Variants in CLEC5A observed in about 807,000 individuals in gnomAD.
CLEC5A encodes C-type lectin domain family 5 member A.
Under a neutral mutation model 24.4 loss-of-function variants are expected in CLEC5A, and 15 were observed. That is an observed-to-expected ratio of 0.62 (90% CI 0.41 to 0.95). The LOEUF (loss-of-function observed/expected upper bound fraction) is 0.95, where lower values mean the gene tolerates loss of function less well. Among genes scored for constraint, CLEC5A ranks in the 40% least tolerant of loss-of-function variants. The pLI is 0.00. For synonymous variants in CLEC5A, 71 were observed against 72.6 expected, an observed-to-expected ratio of 0.98 and a Z score of 0.11; for missense variants, 211 against 224.0, an observed-to-expected ratio of 0.94 and a Z score of 0.37.
rs1802412304 is a variant in CLEC5A, at chr7:141,930,162, A to G, written c.509T>C (p.Phe170Ser). The change falls in exon 7 of 7, where the codon TTT (phenylalanine) becomes TCT (serine). Residue 170 changes from phenylalanine to serine, a missense_variant. Physicochemically the swap from Phe to Ser is radical, Grantham distance 155. Transcript: ENST00000546910. Reference protein sequence around the residue: ...NCATIGLTKTFDAASCDISYR... With the variant: ...NCATIGLTKTSDAASCDISYR... Reference sequence around the variant, plus strand: ...GCTGATGTCACATGATGCAGCATCAAATGTCTTTGTTAGGCCAATGGTCGC... The same window carrying G: ...GCTGATGTCACATGATGCAGCATCAGATGTCTTTGTTAGGCCAATGGTCGC... 1 of 1,614,188 alleles carries G rather than the reference A, an allele frequency of 6.2e-7. No individual in the cohort carries two copies. Among genetic ancestry groups the G allele is most frequent in the East Asian group, 2.2e-5 (1 of 44,880 alleles).
At chr7:141,931,572 C>T (rs1802462134) in intron 6 of CLEC5A, 148 bp downstream of exon 6, 1 of 557,180 alleles carries the variant, frequency 1.8e-6, no homozygotes, top group South Asian at 2.5e-5. Flanking sequence ...AAATGTGTCT[C>T]AGGGAATAGA....
In CLEC5A at chr7:141,935,929, A is replaced by C; in HGVS notation, c.230T>G (p.Phe77Cys). Residue 77 changes from phenylalanine to cysteine, a missense_variant, in exon 5 of 7, where the codon TTT (phenylalanine) becomes TGT (cysteine). Transcript: ENST00000546910. Reference protein sequence around the residue: ...YGTVCPKDWEFYQARCFFLST... With the variant: ...YGTVCPKDWECYQARCFFLST... ...TAAGAAAAAACATCTTGCTTGATAA[A>C]ATTCCCAGTCTTTGGGGCAGACTGA... is the stretch of plus-strand genomic sequence containing the variant. 1 of 1,613,774 alleles carries C rather than the reference A, an allele frequency of 6.2e-7. No homozygotes were observed. The highest frequency in any genetic ancestry group is 8.5e-7 in the Non-Finnish European group (1 of 1,179,652).
chr7:141,938,455 A>C (rs568153942), intron 4 of CLEC5A, among the ~76,000 whole-genome samples: 1 of 152,280 alleles, frequency 6.6e-6, no homozygotes, highest in Admixed American at 6.5e-5. Flanking sequence ...AGAAAAAAGA[A>C]TAAGAAACAA....
intron 5 of CLEC5A, 115 bp from the exon 6 acceptor site, chr7:141,931,941 G>T: frequency 1.7e-6 from 1 of 573,756 alleles, no homozygotes; most frequent in Non-Finnish European, 3.1e-6. Flanking sequence ...GAGAACTCTG[G>T]GACCAGCTAT....
chr7:141,946,523 C>A (rs1235498844), intron 1 of CLEC5A, among the ~76,000 whole-genome samples: 1 of 152,170 alleles, frequency 6.6e-6, no homozygotes, highest in Non-Finnish European at 1.5e-5. Context: ...GGCATACTGC[C>A]TCTCCTTCAC....
At chr7:141,946,394 G>T in intron 1 of CLEC5A, 82 bp from the exon 2 acceptor site, 1 of 1,299,120 alleles carries the variant, frequency 7.7e-7, no homozygotes, top group Non-Finnish European at 1.1e-6. Flanking sequence ...CTCTCGCTCA[G>T]AGTACCCAAA....
intron 5 of CLEC5A, among the ~76,000 whole-genome samples, chr7:141,935,314 A>G (rs1158321572): frequency 6.6e-6 from 1 of 152,148 alleles, no homozygotes; most frequent in Non-Finnish European, 1.5e-5. Flanking sequence ...TGTGGATAAT[A>G]ATACATCCTC....
At chr7:141,946,185 CT>C in intron 2 of CLEC5A, 28 bp downstream of exon 2, 1 of 1,551,422 alleles carries the variant, frequency 6.4e-7, no homozygotes, top group Non-Finnish European at 8.7e-7. Flanking sequence ...AACATGAAGT[CT>C]GGGGCAAGAG....
rs782750641 is a variant in CLEC5A, at chr7:141,929,021, C to A, written c.*1083G>T. 3 of 152,206 alleles carry A rather than the reference C, an allele frequency of 2.0e-5. No homozygotes were observed. The highest frequency in any genetic ancestry group is 1.3e-4 in the Admixed American group (2 of 15,278). 9.4% of individuals were successfully genotyped at this position (152,206 alleles called of 1,614,324 possible). A position where few individuals can be genotyped will look rare whatever the true frequency, so the allele number is the denominator to read the frequency against. On this transcript the variant is annotated 3_prime_UTR_variant, in exon 7 of 7. Coordinates refer to ENST00000546910, the MANE Select transcript of CLEC5A (RefSeq NM_013252.3). Reference sequence around the variant, plus strand: ...TTCTTCCAGTGTGGCCAAATGAACTCCCTGTTTCCTGTCTCAGGTGATTTC... The same window carrying A: ...TTCTTCCAGTGTGGCCAAATGAACTACCTGTTTCCTGTCTCAGGTGATTTC...
chr7:141,931,663 G>A (rs782465892), intron 6 of CLEC5A, 57 bp downstream of exon 6: 3 of 913,956 alleles, frequency 3.3e-6, no homozygotes. Flanking sequence ...AGCAATCTCA[G>A]GTTTGGTCTT....
rs1802362608 is a variant in CLEC5A at position 141,928,486 on chromosome 7, A to C, written c.*1618T>G. 6.6e-6 allele frequency: 1 copy of C among 152,136 alleles called. No individual in the cohort carries two copies. Among genetic ancestry groups the C allele is most frequent in the Non-Finnish European group, 1.5e-5 (1 of 68,016 alleles). 9.4% of individuals were successfully genotyped at this position (152,136 alleles called of 1,614,324 possible). A position where few individuals can be genotyped will look rare whatever the true frequency, so the allele number is the denominator to read the frequency against. On this transcript the variant is annotated 3_prime_UTR_variant, in exon 7 of 7. Coordinates refer to ENST00000546910, the MANE Select transcript of CLEC5A (RefSeq NM_013252.3). ...CCTTTCTTCCCTTCTCAACGGTAGC[A>C]CTTATCCTTTCCCAACACAGTCAGA...
rs147061815 is a variant in CLEC5A, at chr7:141,932,042, T to A, written c.346-216A>T. Among the ~76,000 whole-genome samples the A allele has an allele frequency of 1.2e-3, 189 of 152,334 alleles. 1 individual carries two copies. Among genetic ancestry groups the A allele is most frequent in the African/African-American group, 4.4e-3 (185 of 41,584 alleles). Reference sequence around the variant, plus strand: ...GAGGTCTTGTTAAAACACAGACTGCTGGGCTCCTGGTTAAGTAGGTCTAGT... The same window carrying A: ...GAGGTCTTGTTAAAACACAGACTGCAGGGCTCCTGGTTAAGTAGGTCTAGT... On this transcript the variant is annotated intron_variant, in intron 5 of 6. Coordinates refer to ENST00000546910, the MANE Select transcript of CLEC5A (RefSeq NM_013252.3).
chr7:141,931,913 G>A, intron 5 of CLEC5A, 87 bp from the exon 6 acceptor site: 1 of 632,992 alleles, frequency 1.6e-6, no homozygotes, highest in Non-Finnish European at 2.8e-6. Context: ...CTGATCCTGG[G>A]AATAAGGAAG....
chr7:141,937,629 T>C (rs942707707), intron 4 of CLEC5A, among the ~76,000 whole-genome samples: 2 of 152,138 alleles, frequency 1.3e-5, no homozygotes, highest in Non-Finnish European at 2.9e-5. Flanking sequence ...GTCACAGGCT[T>C]GGCTGGCTTC....
intron 5 of CLEC5A, among the ~76,000 whole-genome samples, chr7:141,933,962 C>A (rs574304914): frequency 6.6e-6 from 1 of 152,254 alleles, no homozygotes; most frequent in South Asian, 2.1e-4. Flanking sequence ...TATGAGAAAG[C>A]TGCTGATGAA....
intron 2 of CLEC5A, 134 bp downstream of exon 2, chr7:141,946,080 C>A: frequency 1.1e-6 from 1 of 911,470 alleles, no homozygotes; most frequent in Non-Finnish European, 1.7e-6. Flanking sequence ...GCCAATTGAC[C>A]TCAGGTTGGG....
intron 6 of CLEC5A, 89 bp downstream of exon 6, chr7:141,931,631 T>G: frequency 5.2e-6 from 4 of 770,834 alleles, no homozygotes; most frequent in Non-Finnish European, 9.5e-6. Context: ...TGTCAGCGTT[T>G]GAGCTATTCC....
chr7:141,946,366 A>G, intron 1 of CLEC5A, 54 bp from the exon 2 acceptor site: 1 of 1,473,116 alleles, frequency 6.8e-7, no homozygotes, highest in East Asian at 2.5e-5. Context: ...GCTGCTTTTC[A>G]CTAGGACATA....
chr7:141,946,392 C>T, intron 1 of CLEC5A, 80 bp from the exon 2 acceptor site: 1 of 1,301,636 alleles, frequency 7.7e-7, no homozygotes, highest in South Asian at 1.3e-5. Context: ...GCCTCTCGCT[C>T]AGAGTACCCA....
Sources: allele counts gnomAD v4.1 joint callset (sites outside exome capture counted in the v4.1 genomes callset), GRCh38; gene constraint gnomAD v4.1.1; transcripts MANE v1.5; gene names NCBI Gene and HGNC (gene_info 2026-07-23, HGNC 2026-07-21).